The following RALY variants were observed in gnomAD, a reference collection of about 807,000 sequenced individuals.
The protein encoded by RALY is RNA-binding protein Raly.
RALY carries 15 observed loss-of-function variants against 30.7 expected under a neutral mutation model. That is an observed-to-expected ratio of 0.49 (90% CI 0.33 to 0.75). The LOEUF is 0.75. Ranked by LOEUF, RALY falls within the 30% of genes least tolerant of loss-of-function variation. The pLI is 0.02. For synonymous variants in RALY, 177 were observed against 170.8 expected (o/e 1.04, Z -0.28); for missense variants, 339 against 414.3 (o/e 0.82, Z 1.58).
chr20:34,047,832 T>C (rs1217188534), intron 2 of RALY, among the ~76,000 whole-genome samples: 1 of 152,158 alleles, frequency 6.6e-6, no homozygotes, highest in Non-Finnish European at 1.5e-5. Context: ...TGTTAGCTCT[T>C]TGAAGGCCAG....
chr20:34,049,764 T>C (rs937336816), intron 2 of RALY, among the ~76,000 whole-genome samples: 2 of 152,132 alleles, frequency 1.3e-5, no homozygotes, highest in Non-Finnish European at 2.9e-5. Context: ...CTGAGAGAGG[T>C]TGAGGCTTGT....
At chr20:34,008,552 G>C (rs2031263758) in intron 1 of RALY, among the ~76,000 whole-genome samples, 1 of 152,198 alleles carries the variant, frequency 6.6e-6, no homozygotes, top group African/African-American at 2.4e-5. Context: ...AATCCTTTCT[G>C]TTCCAGATCT....
intron 1 of RALY, among the ~76,000 whole-genome samples, chr20:34,020,370 A>T (rs1413824671): frequency 6.6e-6 from 1 of 152,212 alleles, no homozygotes; most frequent in Admixed American, 6.5e-5. Context: ...GGAGAAAGTC[A>T]TTGAGGATGT....
chr20:34,047,221 G>T (rs1328309084), intron 2 of RALY, among the ~76,000 whole-genome samples: 1 of 152,176 alleles, frequency 6.6e-6, no homozygotes, highest in Non-Finnish European at 1.5e-5. Context: ...TGGAAAATGT[G>T]TCTTTGTTGA....
Position 34,072,079 on chromosome 20 carries a change from C to T in RALY, c.5C>T (p.Ser2Phe). ...CTTTTTCTTCAGGTGGGCACCATGT[C>T]CTTGAAGCTTCAGGCAAGCAATGTA... is the stretch of plus-strand genomic sequence containing the variant. M[S>F]LKLQASNVTN... Residue 2 changes from serine to phenylalanine, a missense_variant, in exon 3 of 10, where the codon TCC (serine) becomes TTC (phenylalanine). Around this residue, in one of 2 missense-constraint regions of RALY, gnomAD observed 71 missense variants for 133.7 expected, o/e 0.53. Transcript: ENST00000246194. 6.2e-7 allele frequency: 1 copy of T among 1,614,084 alleles called. No homozygotes were observed. Among genetic ancestry groups the T allele is most frequent in the Non-Finnish European group, 8.5e-7 (1 of 1,179,946 alleles).
At chr20:34,042,279 A>T (rs998479204) in intron 2 of RALY, among the ~76,000 whole-genome samples, 2 of 152,284 alleles carry the variant, frequency 1.3e-5, no homozygotes, top group Admixed American at 1.3e-4. Context: ...CCAGGATCAC[A>T]GTTCGTAAAA....
intron 2 of RALY, among the ~76,000 whole-genome samples, chr20:34,058,548 C>A (rs1205126405): frequency 3.3e-5 from 5 of 152,190 alleles, no homozygotes; most frequent in African/African-American, 1.2e-4. Context: ...GAACTTGAGT[C>A]TATCCTTTGG....
intron 2 of RALY, among the ~76,000 whole-genome samples, chr20:34,039,721 A>G (rs2032626646): frequency 1.3e-5 from 2 of 152,222 alleles, no homozygotes; most frequent in Admixed American, 6.5e-5. Context: ...GAGATAATGC[A>G]ACAGAGAAGA....
chr20:34,021,931 T>C (rs1161086684), intron 1 of RALY, among the ~76,000 whole-genome samples: 1 of 151,488 alleles, frequency 6.6e-6, no homozygotes, highest in Non-Finnish European at 1.5e-5. Context: ...AAAAATTTTT[T>C]TTTAAATAGA....
intron 2 of RALY, among the ~76,000 whole-genome samples, chr20:34,048,112 C>A (rs1046412037): frequency 2.6e-5 from 4 of 152,200 alleles, no homozygotes; most frequent in Non-Finnish European, 4.4e-5. Context: ...TCTCTCTGTT[C>A]CCAATAAATT....
chr20:34,019,763 C>T (rs367852645), intron 1 of RALY, among the ~76,000 whole-genome samples: 3 of 152,242 alleles, frequency 2.0e-5, no homozygotes, highest in South Asian at 4.1e-4. Context: ...AAGCTTTATT[C>T]GGTAGATAGG....
At chr20:34,019,601 G>A (rs1211329454) in intron 1 of RALY, among the ~76,000 whole-genome samples, 1 of 152,206 alleles carries the variant, frequency 6.6e-6, no homozygotes, top group East Asian at 1.9e-4. Context: ...TGTTCAGTAG[G>A]CAGACACTGG....
intron 2 of RALY, among the ~76,000 whole-genome samples, chr20:34,058,729 G>C (rs1018699033): frequency 6.6e-6 from 1 of 152,160 alleles, no homozygotes; most frequent in Non-Finnish European, 1.5e-5. Flanking sequence ...ACTAGTAAGT[G>C]CTGATCCTGG....
intron 1 of RALY, among the ~76,000 whole-genome samples, chr20:34,028,242 C>T (rs1325118822): frequency 6.7e-6 from 1 of 149,378 alleles, no homozygotes. Flanking sequence ...GCTGAGATTG[C>T]ACTACTGCAC....
At chr20:34,041,499 G>A (rs1219924891) in intron 2 of RALY, among the ~76,000 whole-genome samples, 1 of 152,180 alleles carries the variant, frequency 6.6e-6, no homozygotes, top group Non-Finnish European at 1.5e-5. Context: ...TTTTCTCTCT[G>A]GCGTTGGGCG....
chr20:34,061,817 G>A (rs1187500356), intron 2 of RALY, among the ~76,000 whole-genome samples: 1 of 152,224 alleles, frequency 6.6e-6, no homozygotes, highest in Non-Finnish European at 1.5e-5. Context: ...AAGTAAGCAA[G>A]TAGGTAGAAT....
chr20:34,044,553 T>C (rs1247890373), intron 2 of RALY, among the ~76,000 whole-genome samples: 1 of 152,136 alleles, frequency 6.6e-6, no homozygotes. Context: ...CTCCTCACTT[T>C]AGGTGATCGG....
chr20:34,075,933 A>C lies in RALY; in HGVS notation c.437A>C (p.Lys146Thr). The change falls in exon 6 of 10, where the codon AAG becomes ACG. Residue 146 changes from lysine (K) to threonine (T), a missense_variant. Transcript: ENST00000246194. ...PVPVPRAVPVKRPRVTVPLVR... is the reference protein window; with the variant it reads ...PVPVPRAVPVTRPRVTVPLVR... ...CCAGTGCCCAGGGCGGTCCCTGTGA[A>C]GCGACCCCGGGTCACAGTCCCTTTG... is the stretch of plus-strand genomic sequence containing the variant. The C allele has an allele frequency of 6.2e-7, 1 of 1,614,136 alleles. No individual in the cohort carries two copies. The highest frequency in any genetic ancestry group is 8.5e-7 in the Non-Finnish European group (1 of 1,180,020).
chr20:34,057,735 G>A (rs1053116591), intron 2 of RALY, among the ~76,000 whole-genome samples: 2 of 151,424 alleles, frequency 1.3e-5, no homozygotes, highest in Non-Finnish European at 1.5e-5. Context: ...TGGTAATATT[G>A]CTGTGGTGAC....
Sources: gnomAD v4.1 joint callset for allele counts (sites outside exome capture counted in the v4.1 genomes callset) on GRCh38, gnomAD v4.1.1 for gene constraint, gnomAD v4.1.1 regional missense constraint, MANE v1.5 for transcripts, NCBI Gene and HGNC (gene_info 2026-07-23, HGNC 2026-07-21) for gene names.